The following ATG16L2 variants were observed in gnomAD, a reference collection of about 807,000 sequenced individuals.
The protein encoded by ATG16L2 is protein Atg16l2.
ATG16L2 carries 77 observed loss-of-function variants against 84.7 expected under a neutral mutation model. The observed-to-expected ratio is 0.91, with a 90% CI of 0.76 to 1.10. ATG16L2 has a LOEUF of 1.10. Among genes scored for constraint, ATG16L2 ranks in the 50% least tolerant of loss-of-function variants. The pLI is 0.00. For missense variants in ATG16L2, 782 were observed against 817.6 expected (o/e 0.96, Z 0.53); for synonymous variants, 361 against 342.8 (o/e 1.05, Z -0.59).
chr11:72,821,557 C>T (rs2135091774), intron 3 of ATG16L2, 111 bp from the exon 4 acceptor site: 1 of 1,484,320 alleles, frequency 6.7e-7, no homozygotes, highest in Non-Finnish European at 8.9e-7. Flanking sequence ...GCTTGCTTTT[C>T]AGGAAGGGGG....
At position 72,821,798 on chromosome 11, in the gene ATG16L2, A is replaced by G. The variant is rs963388711; in HGVS notation, c.392+57A>G. 3 of 1,513,888 alleles carry G rather than the reference A, an allele frequency of 2.0e-6. No individual in the cohort carries two copies. The Admixed American group carries it at 6.3e-5, about 32-fold the overall frequency. The allele number at this position is 1,513,888 out of a possible 1,614,324, so 93.8% of individuals were successfully genotyped here. On this transcript the variant is annotated intron_variant, in intron 4 of 17. Coordinates refer to ENST00000321297, the MANE Select transcript of ATG16L2 (RefSeq NM_033388.2). ...GCCCACCTCAGGGAGGCCCGGGGCC[A>G]ACTATACGGGAGGCGGGGGGAATGG...
In ATG16L2 at chr11:72,822,168, C is replaced by A. The variant is rs1291886278; in HGVS notation, c.517C>A (p.His173Asn). The A allele has an allele frequency of 2.0e-6, 3 of 1,492,972 alleles. No individual in the cohort carries two copies. The highest frequency in any genetic ancestry group is 2.5e-5 in the South Asian group (2 of 79,012). 92.5% of individuals were successfully genotyped at this position (1,492,972 alleles called of 1,614,324 possible). ...GGCAGCCTACGAGGCGCTGCGCGCGCACGTCGGGCTCCGGGAGGCGGCACT... is the reference window on the plus strand; with the variant it reads ...GGCAGCCTACGAGGCGCTGCGCGCGAACGTCGGGCTCCGGGAGGCGGCACT... ...QRAAYEALRA[H>N]VGLREAALRR... is the part of the protein sequence containing the mutation. Residue 173 changes from histidine (H) to asparagine (N), a missense_variant, in exon 5 of 18, where the codon CAC becomes AAC. Transcript: ENST00000321297. The surrounding 1 kb of genome is among the most constrained non-coding windows in gnomAD (Gnocchi z 4.2).
exon 6 of ATG16L2, chr11:72,843,070 A>G: frequency 7.3e-7 from 1 of 1,369,024 alleles, no homozygotes; most frequent in Non-Finnish European, 1.0e-6. Context: ...TGTGCTTTTT[A>G]TCCTACTGAA....
At chr11:72,825,447 T>C (rs1394615119) in intron 10 of ATG16L2, 40 bp downstream of exon 10, 1 of 1,492,950 alleles carries the variant, frequency 6.7e-7, no homozygotes, top group Non-Finnish European at 9.3e-7. Context: ...GGTGCTTCTC[T>C]CCAGACCCTC....
downstream of ATG16L2, among the ~76,000 whole-genome samples, chr11:72,833,931 A>AT (rs1860660674): frequency 5.4e-5 from 7 of 129,480 alleles, no homozygotes; most frequent in South Asian, 3.0e-4. Context: ...CAAAAAAAAA[A>AT]ATTTTTTTTT....
exon 6 of ATG16L2, chr11:72,843,380 G>A: frequency 6.2e-7 from 1 of 1,608,410 alleles, no homozygotes; most frequent in Middle Eastern, 1.7e-4. Flanking sequence ...TTTAGACAGG[G>A]CACAACAAAG....
downstream of ATG16L2, among the ~76,000 whole-genome samples, chr11:72,830,505 T>G (rs1860582913): frequency 6.6e-6 from 1 of 152,152 alleles, no homozygotes; most frequent in African/African-American, 2.4e-5. Context: ...TTGTTGTTGC[T>G]TTTGAGACAC....
rs772844446 is a variant in ATG16L2, at chr11:72,822,891, ACT to A, written c.757_758del (p.Leu253GlyfsTer5). The A allele has an allele frequency of 2.5e-6, 4 of 1,577,150 alleles. No homozygotes were observed. In the African/African-American group the frequency reaches 4.0e-5, roughly 16 times the overall value. On this transcript the variant is annotated frameshift_variant, in exon 7 of 18. Coordinates refer to ENST00000321297, the MANE Select transcript of ATG16L2 (RefSeq NM_033388.2). LOFTEE classifies it high-confidence loss of function. The surrounding 1 kb of genome is among the most constrained non-coding windows in gnomAD (Gnocchi z 4.2). ...LGDGMRERRE[T>X]LALAPEPEPL... ...CGATGGGATGAGGGAGAGAAGGGAG[ACT>A]CTGGCTCTGGCCCCTGAGCCAGAGC...
At chr11:72,836,370 G>A (rs536252962) in intron 5 of ATG16L2, among the ~76,000 whole-genome samples, 53 of 152,310 alleles carry the variant, frequency 3.5e-4, no homozygotes, top group African/African-American at 1.3e-3. Flanking sequence ...GGTCACATCC[G>A]GCAAGGGGAC....
intron 10 of ATG16L2, 99 bp from the exon 11 acceptor site, chr11:72,826,074 G>A: frequency 2.1e-6 from 2 of 962,934 alleles, no homozygotes; most frequent in Non-Finnish European, 3.1e-6. Flanking sequence ...GATGTGTCGG[G>A]GGGTGGGGCG....
chr11:72,825,102 C>T (rs116970024), intron 9 of ATG16L2, among the ~76,000 whole-genome samples, 200 bp from the exon 10 acceptor site: 1 of 152,250 alleles, frequency 6.6e-6, no homozygotes, highest in South Asian at 2.1e-4. Flanking sequence ...AGCACGGAGG[C>T]TGCTGCAGGG....
At chr11:72,836,199 G>T (rs1360035401) in intron 5 of ATG16L2, among the ~76,000 whole-genome samples, 4 of 152,250 alleles carry the variant, frequency 2.6e-5, no homozygotes, top group Non-Finnish European at 4.4e-5. Flanking sequence ...CTGGTCCTCA[G>T]TGTGGCTGGC....
intron 8 of ATG16L2, 173 bp downstream of exon 8, chr11:72,824,295 G>T: frequency 5.6e-6 from 4 of 717,824 alleles, no homozygotes; most frequent in South Asian, 1.7e-5. Context: ...CCCCGGCCCC[G>T]GTTCAGCTGT....
At chr11:72,823,118 A>G (rs1474804832) in intron 7 of ATG16L2, 157 bp downstream of exon 7, 1 of 589,196 alleles carries the variant, frequency 1.7e-6, no homozygotes, top group Non-Finnish European at 3.0e-6. Flanking sequence ...TCTGACCTCC[A>G]TTGTCTGGAG....
intron 4 of ATG16L2, 39 bp downstream of exon 4, chr11:72,821,780 T>C (rs777531815): frequency 3.9e-6 from 6 of 1,523,792 alleles, no homozygotes. Flanking sequence ...CGCGCCCACC[T>C]CAGGGAGGCC....
At chr11:72,826,978 C>T in intron 13 of ATG16L2, 155 bp downstream of exon 13, 2 of 949,646 alleles carry the variant, frequency 2.1e-6, no homozygotes, top group South Asian at 1.7e-5. Context: ...CTAATGGTAT[C>T]CCCCAGTGGT....
rs1201014072 is a variant in ATG16L2 at position 72,816,743 on chromosome 11, A to G, written c.134A>G (p.Glu45Gly). Residue 45 changes from glutamate to glycine, a missense_variant, in exon 2 of 18, where the codon GAG becomes GGG. Physicochemically the swap from Glu to Gly is moderately conservative, Grantham distance 98 (BLOSUM62 -2). Transcript: ENST00000321297. The part of the protein sequence containing the change: ...ELVPAYNHLL[E>G]KAELLDKFSK... The stretch of plus-strand genomic sequence containing the variant: ...CACTCTCCAGATAACCATCTCTTAG[A>G]GAAGGCTGAGCTGCTGGACAAGTTC... The G allele has an allele frequency of 1.2e-6, 2 of 1,614,052 alleles. No individual in the cohort carries two copies. The highest frequency in any genetic ancestry group is 1.7e-6 in the Non-Finnish European group (2 of 1,180,008).
At chr11:72,824,479 C>T in intron 8 of ATG16L2, 3 of 565,950 alleles carry the variant, frequency 5.3e-6, no homozygotes, top group Non-Finnish European at 9.5e-6. Flanking sequence ...GGGATTGAAA[C>T]CCCGGCCCTG....
chr11:72,823,360 ACTGAGC>A, intron 7 of ATG16L2: 1 of 333,430 alleles, frequency 3.0e-6, no homozygotes, highest in Non-Finnish European at 5.9e-6. Context: ...TACAAGCTTG[ACTGAGC>A]CCGTCTGTAT....
Sources: gnomAD v4.1 joint callset for allele counts (sites outside exome capture counted in the v4.1 genomes callset) on GRCh38, gnomAD v4.1.1 for gene constraint, Gnocchi (gnomAD v3.1) non-coding constraint, MANE v1.5 for transcripts, NCBI Gene and HGNC (gene_info 2026-07-23, HGNC 2026-07-21) for gene names.